Variants in PAPOLA observed in about 807,000 individuals in gnomAD.
PAPOLA encodes poly(A) polymerase alpha, also known as polynucleotide adenylyltransferase alpha.
Under a neutral mutation model 100.6 loss-of-function variants are expected in PAPOLA, and 15 were observed. The ratio of observed to expected loss-of-function variants is 0.15; its 90% CI spans 0.10 to 0.23. PAPOLA has a LOEUF of 0.23. Ranked by LOEUF, PAPOLA falls within the 10% of genes least tolerant of loss-of-function variation. The probability of loss-of-function intolerance (pLI) is 1.00; values close to 1 mark genes in which losing one functional copy is unlikely to be tolerated. For missense variants in PAPOLA, 533 were observed against 884.2 expected (o/e 0.60, Z 5.04); for synonymous variants, 293 against 300.0 (o/e 0.98, Z 0.24).
intron 19 of PAPOLA, among the ~76,000 whole-genome samples, chr14:96,557,494 T>C (rs976745365): frequency 1.3e-5 from 2 of 152,064 alleles, no homozygotes; most frequent in African/African-American, 4.8e-5. Context: ...CGAGTCACTT[T>C]CATGTTGTTT....
intron 4 of PAPOLA, 79 bp downstream of exon 4, chr14:96,525,470 G>A (rs975074856): frequency 3.2e-6 from 2 of 626,094 alleles, no homozygotes; most frequent in African/African-American, 1.9e-5. Context: ...AGTTACTTGT[G>A]TATCATATAG....
intron 7 of PAPOLA, 121 bp from the exon 8 acceptor site, chr14:96,532,210 A>G: frequency 7.1e-7 from 1 of 1,410,980 alleles, no homozygotes; most frequent in Non-Finnish European, 9.2e-7. Context: ...TTTAACTTCA[A>G]TCTCAGAAAA....
At chr14:96,537,218 G>C in intron 12 of PAPOLA, 158 bp downstream of exon 12, 1 of 586,510 alleles carries the variant, frequency 1.7e-6, no homozygotes, top group Non-Finnish European at 3.1e-6. Context: ...AGTTTTTTTT[G>C]GTTGAGGTAA....
chr14:96,538,570 AG>A (rs1301477456), intron 12 of PAPOLA, among the ~76,000 whole-genome samples: 1 of 152,050 alleles, frequency 6.6e-6, no homozygotes, highest in Non-Finnish European at 1.5e-5. Context: ...TTGTAAAAAA[AG>A]CAGCAACAAA....
chr14:96,505,877 C>A (rs1305327595), intron 1 of PAPOLA, among the ~76,000 whole-genome samples: 1 of 152,120 alleles, frequency 6.6e-6, no homozygotes, highest in Non-Finnish European at 1.5e-5. Flanking sequence ...TCATTTCCTT[C>A]CTTCCTTCCT....
intron 1 of PAPOLA, among the ~76,000 whole-genome samples, chr14:96,506,253 A>C (rs1896710683): frequency 6.6e-6 from 1 of 152,146 alleles, no homozygotes; most frequent in African/African-American, 2.4e-5. Context: ...AAAGCTTTTG[A>C]TGAAACAGTA....
rs763950784 is a variant in PAPOLA at position 96,559,575 on chromosome 14, CTCTCTCTA to C, written c.2005-1072_2005-1065del. ...CCTCTCTCTCTCTCTCTCTCTCTCT[CTCTCTCTA>C]TATATATATATATACACACACACAT... is the stretch of plus-strand genomic sequence containing the variant. On this transcript the variant is annotated intron_variant, in intron 19 of 21. Transcript: ENST00000216277. 6.0e-3 allele frequency among the ~76,000 whole-genome samples: 678 copies of C among 113,612 alleles called. 1 individual carries two copies. The highest frequency in any genetic ancestry group is 9.7e-3 in the Non-Finnish European group (543 of 56,188). 74.5% of individuals were successfully genotyped at this position (113,612 alleles called of 152,430 possible).
rs1489963156 is a variant in PAPOLA at position 96,534,530 on chromosome 14, A to T, written c.876A>T (p.Glu292Asp). 4.3e-6 allele frequency: 7 copies of T among 1,613,982 alleles called. No homozygotes were observed. Among genetic ancestry groups the T allele is most frequent in the Non-Finnish European group, 5.9e-6 (7 of 1,179,912 alleles). The change falls in exon 10 of 22, where the codon GAA becomes GAT. Residue 292 changes from glutamate to aspartate, a missense_variant. Coordinates refer to ENST00000216277, the MANE Select transcript of PAPOLA (RefSeq NM_032632.5). ...CAGTGCTATTGAAACAGCCTGAAGA[A>T]TGCAATCTTAATTTGCCTGTATGGG... ...PNPVLLKQPE[E>D]CNLNLPVWDP...
intron 1 of PAPOLA, among the ~76,000 whole-genome samples, chr14:96,506,666 G>A (rs1896736191): frequency 6.6e-6 from 1 of 152,158 alleles, no homozygotes. Context: ...TAATATTAAT[G>A]CATATAGTTT....
chr14:96,542,591 G>A, intron 13 of PAPOLA, 183 bp from the exon 14 acceptor site: 3 of 585,836 alleles, frequency 5.1e-6, no homozygotes, highest in Admixed American at 3.7e-5. Flanking sequence ...TAACCTTGCT[G>A]GTGTGAATGG....
intron 1 of PAPOLA, among the ~76,000 whole-genome samples, chr14:96,519,133 T>C (rs1897729668): frequency 6.6e-6 from 1 of 151,696 alleles, no homozygotes; most frequent in Admixed American, 6.6e-5. Context: ...TTCAGCATGT[T>C]ATCCAGGCTG....
chr14:96,512,440 C>G (rs773553977), intron 1 of PAPOLA, among the ~76,000 whole-genome samples: 4 of 152,054 alleles, frequency 2.6e-5, no homozygotes, highest in Non-Finnish European at 5.9e-5. Context: ...AGAGGTGCCT[C>G]AGTATAGAGA....
At chr14:96,514,180 C>CTT (rs201921706) in intron 1 of PAPOLA, among the ~76,000 whole-genome samples, 9,629 of 138,826 alleles carry the variant, frequency 0.069, 353 homozygotes, top group African/African-American at 0.1. Context: ...CATTAGGTAT[C>CTT]TTTTTTTTTT....
chr14:96,546,458 A>G (rs952420848), intron 15 of PAPOLA, among the ~76,000 whole-genome samples: 23 of 152,070 alleles, frequency 1.5e-4, no homozygotes, highest in African/African-American at 5.6e-4. Context: ...TAAAAGTCCA[A>G]GTCTTTACTG....
intron 17 of PAPOLA, 67 bp from the exon 18 acceptor site, chr14:96,555,778 TTA>T: frequency 1.3e-6 from 1 of 769,598 alleles, no homozygotes; most frequent in Non-Finnish European, 2.1e-6. Context: ...ATGTTATAGA[TTA>T]TTGTAATTTT....
intron 16 of PAPOLA, among the ~76,000 whole-genome samples, chr14:96,549,634 A>G (rs985748236): frequency 2.0e-5 from 3 of 152,200 alleles, no homozygotes; most frequent in Admixed American, 6.5e-5. Context: ...TCAATGTACT[A>G]TTTATACACA....
chr14:96,505,697 G>C (rs1236318050), intron 1 of PAPOLA, among the ~76,000 whole-genome samples: 2 of 152,118 alleles, frequency 1.3e-5, no homozygotes, highest in Non-Finnish European at 2.9e-5. Flanking sequence ...TGGATGCTTG[G>C]GGAGGGGGAC....
In PAPOLA at chr14:96,513,176, G is replaced by T. The variant is rs187102620; in HGVS notation, c.9-6879G>T. Among the ~76,000 whole-genome samples, 56 of 152,202 alleles carry T rather than the reference G, an allele frequency of 3.7e-4. No homozygotes were observed. The South Asian group carries it at 0.011, about 31-fold the overall frequency. On this transcript the variant is annotated intron_variant, in intron 1 of 21. Coordinates refer to ENST00000216277, the MANE Select transcript of PAPOLA (RefSeq NM_032632.5). ...CTTCCTGGGCTCAAGAGATCCTCTT[G>T]CCTCAGCCTTCTGAGTAGCTGGGAC...
intron 16 of PAPOLA, among the ~76,000 whole-genome samples, 186 bp downstream of exon 16, chr14:96,548,104 G>A (rs1418269415): frequency 6.6e-6 from 1 of 152,038 alleles, no homozygotes; most frequent in Non-Finnish European, 1.5e-5. Flanking sequence ...CTTGCACACA[G>A]TTGCTTTAGA....
Sources: allele counts gnomAD v4.1 joint callset (sites outside exome capture counted in the v4.1 genomes callset), GRCh38; gene constraint gnomAD v4.1.1; transcripts MANE v1.5; gene names NCBI Gene and HGNC (gene_info 2026-07-23, HGNC 2026-07-21).